DTNA: variants seen among roughly 807,000 people sequenced by gnomAD.
The protein encoded by DTNA is dystrophin-related protein 3.
DTNA carries 43 observed loss-of-function variants against 100.7 expected under a neutral mutation model. That is an observed-to-expected ratio of 0.43 (90% CI 0.33 to 0.55). DTNA has a LOEUF of 0.55. Ranked by LOEUF, DTNA falls within the 20% of genes least tolerant of loss-of-function variation. The probability of loss-of-function intolerance (pLI) is 0.04; values close to 1 mark genes in which losing one functional copy is unlikely to be tolerated. For missense variants in DTNA, 798 were observed against 953.9 expected (o/e 0.84, Z 2.15); for synonymous variants, 349 against 347.9 (o/e 1.00, Z -0.04).
chr18:34,697,828 G>C (rs1236757906), intron 1 of DTNA, among the ~76,000 whole-genome samples: 1 of 152,160 alleles, frequency 6.6e-6, no homozygotes, highest in Admixed American at 6.5e-5. Flanking sequence ...TACTGGAAGA[G>C]CAAAGAAGGC....
At chr18:34,660,847 C>A (rs917145836) in intron 1 of DTNA, among the ~76,000 whole-genome samples, 24 of 152,100 alleles carry the variant, frequency 1.6e-4, no homozygotes, top group Non-Finnish European at 7.4e-5. Context: ...TGCCACCTTT[C>A]CTGACCCAAC....
At chr18:34,608,056 C>T (rs1025535778) in intron 1 of DTNA, among the ~76,000 whole-genome samples, 6 of 152,152 alleles carry the variant, frequency 3.9e-5, no homozygotes, top group African/African-American at 7.2e-5. Flanking sequence ...TTAAGGGAAG[C>T]CCAGAAGGTC....
chr18:34,666,188 T>C (rs2075899504), intron 1 of DTNA, among the ~76,000 whole-genome samples: 1 of 152,248 alleles, frequency 6.6e-6, no homozygotes, highest in African/African-American at 2.4e-5. Context: ...ATGAGCATTT[T>C]TTCATGTGTC....
intron 1 of DTNA, among the ~76,000 whole-genome samples, chr18:34,743,214 G>T (rs1427625967): frequency 1.3e-5 from 2 of 152,122 alleles, no homozygotes; most frequent in African/African-American, 4.8e-5. Flanking sequence ...TTGGGGAAAG[G>T]AACCGTGGTG....
At chr18:34,886,281 G>A (rs2150474596) in intron 22 of DTNA, among the ~76,000 whole-genome samples, 3 of 152,298 alleles carry the variant, frequency 2.0e-5, no homozygotes, top group Middle Eastern at 3.4e-3. Flanking sequence ...TATTTTATGA[G>A]CGAAGAGGAA....
At chr18:34,559,945 T>C (rs1378465978) in intron 1 of DTNA, among the ~76,000 whole-genome samples, 1 of 152,246 alleles carries the variant, frequency 6.6e-6, no homozygotes, top group Non-Finnish European at 1.5e-5. Flanking sequence ...ATTATGATTG[T>C]AAACTAGGTT....
intron 1 of DTNA, among the ~76,000 whole-genome samples, chr18:34,623,322 C>T (rs1032440962): frequency 2.6e-5 from 4 of 152,162 alleles, no homozygotes; most frequent in Non-Finnish European, 4.4e-5. Flanking sequence ...TGTAATAAAC[C>T]TCAGAAGCAA....
intron 3 of DTNA, among the ~76,000 whole-genome samples, chr18:34,787,139 G>C (rs536342064): frequency 6.8e-4 from 104 of 152,084 alleles, no homozygotes; most frequent in African/African-American, 2.5e-3. Flanking sequence ...ATCCTTGCAG[G>C]TGATTCCATT....
chr18:34,652,952 C>T (rs972373128), intron 1 of DTNA, among the ~76,000 whole-genome samples: 2 of 151,864 alleles, frequency 1.3e-5, no homozygotes, highest in East Asian at 1.9e-4. Flanking sequence ...ATAATGGTGA[C>T]GTTATTTTGG....
intron 16 of DTNA, among the ~76,000 whole-genome samples, chr18:34,863,487 A>G (rs945749962): frequency 2.0e-5 from 3 of 151,290 alleles, no homozygotes; most frequent in South Asian, 2.1e-4. Flanking sequence ...AGACACCTCA[A>G]TGGGTGCTGA....
chr18:34,823,385 A>T (rs987850047), intron 9 of DTNA, among the ~76,000 whole-genome samples: 1 of 152,232 alleles, frequency 6.6e-6, no homozygotes, highest in Admixed American at 6.5e-5. Flanking sequence ...ATGTCATTTT[A>T]TAATAAGCCC....
chr18:34,826,237 T>A (rs1320230116), intron 9 of DTNA, among the ~76,000 whole-genome samples: 1 of 152,158 alleles, frequency 6.6e-6, no homozygotes, highest in East Asian at 1.9e-4. Context: ...TTTTTTATTT[T>A]TATTTTTCCA....
At chr18:34,678,358 G>A (rs573245198) in intron 1 of DTNA, among the ~76,000 whole-genome samples, 1 of 152,236 alleles carries the variant, frequency 6.6e-6, no homozygotes, top group African/African-American at 2.4e-5. Flanking sequence ...GTTCATTTTA[G>A]ATAACCTGGG....
At chr18:34,552,450 C>A (rs893608318) in intron 1 of DTNA, among the ~76,000 whole-genome samples, 13 of 151,032 alleles carry the variant, frequency 8.6e-5, no homozygotes, top group Non-Finnish European at 1.8e-4. Flanking sequence ...CATATGTATA[C>A]ATGTGCCATG....
rs2095637677 is a variant in DTNA at position 34,818,220 on chromosome 18, T to C, written c.766T>C (p.Tyr256His). 6.2e-7 allele frequency: 1 copy of C among 1,613,972 alleles called. No individual in the cohort carries two copies. The change falls in exon 8 of 23, where the codon TAC (tyrosine) becomes CAC (histidine). Residue 256 changes from tyrosine to histidine, a missense_variant. By Grantham distance (83) the Tyr-to-His change is moderately conservative. Coordinates refer to ENST00000444659, the MANE Select transcript of DTNA (RefSeq NM_001386795.1). ...CHSESMMGFRYRCQQCHNYQL... is the reference protein window; with the variant it reads ...CHSESMMGFRHRCQQCHNYQL... ...CAGTGAGAGTATGATGGGATTTCGC[T>C]ACCGATGCCAACAGTGTCACAATTA... is the stretch of plus-strand genomic sequence containing the variant.
intron 1 of DTNA, among the ~76,000 whole-genome samples, chr18:34,660,943 C>T (rs1319802466): frequency 6.6e-6 from 1 of 152,162 alleles, no homozygotes; most frequent in Non-Finnish European, 1.5e-5. Context: ...ACTTTGGGCA[C>T]ATGTTCTCAG....
intron 1 of DTNA, among the ~76,000 whole-genome samples, chr18:34,741,676 CA>C (rs2090672782): frequency 6.6e-6 from 1 of 152,086 alleles, no homozygotes; most frequent in South Asian, 2.1e-4. Flanking sequence ...CCAAAGTACT[CA>C]AATTTGAGTT....
chr18:34,693,735 T>C (rs2080104097), intron 1 of DTNA, among the ~76,000 whole-genome samples: 1 of 140,870 alleles, frequency 7.1e-6, no homozygotes, highest in Non-Finnish European at 1.5e-5. Context: ...CTGCTTGTCA[T>C]CTTGTGTGCA....
chr18:34,878,571 G>A (rs897935817), intron 19 of DTNA, among the ~76,000 whole-genome samples: 1 of 152,118 alleles, frequency 6.6e-6, no homozygotes, highest in Non-Finnish European at 1.5e-5. Context: ...CTCCCGAAGT[G>A]CTGGGATTCC....
Sources: gnomAD v4.1 joint callset for allele counts (sites outside exome capture counted in the v4.1 genomes callset) on GRCh38, gnomAD v4.1.1 for gene constraint, MANE v1.5 for transcripts, NCBI Gene and HGNC (gene_info 2026-07-23, HGNC 2026-07-21) for gene names.